DPP10: variants seen among roughly 807,000 people sequenced by gnomAD.
DPP10 encodes the protein inactive dipeptidyl peptidase 10.
A neutral mutation model predicts 120.9 loss-of-function variants in DPP10; 33 were observed. The observed-to-expected ratio is 0.27, with a 90% CI of 0.21 to 0.37. The LOEUF is 0.37. Ranked by LOEUF, DPP10 falls within the 10% of genes least tolerant of loss-of-function variation. The probability of loss-of-function intolerance (pLI) is 1.00; values close to 1 mark genes in which losing one functional copy is unlikely to be tolerated. For synonymous variants in DPP10, 337 were observed against 326.1 expected (o/e 1.03, Z -0.36); for missense variants, 816 against 942.8 (o/e 0.87, Z 1.76).
chr2:114,737,853 T>C (rs2105971837), intron 1 of DPP10, among the ~76,000 whole-genome samples: 1 of 152,356 alleles, frequency 6.6e-6, no homozygotes, highest in South Asian at 2.1e-4. Flanking sequence ...GAGAATGGAA[T>C]GAGGTATAAT....
chr2:114,708,339 G>T (rs1700812705), intron 1 of DPP10, among the ~76,000 whole-genome samples: 1 of 152,158 alleles, frequency 6.6e-6, no homozygotes, highest in African/African-American at 2.4e-5. Context: ...TGTTCCAGGA[G>T]GGATGACAAA....
intron 1 of DPP10, among the ~76,000 whole-genome samples, chr2:114,624,910 T>C (rs1220653439): frequency 2.0e-5 from 3 of 151,960 alleles, no homozygotes; most frequent in Non-Finnish European, 2.9e-5. Context: ...CTCTACTTTC[T>C]GGATTAAATT....
chr2:114,718,175 C>T (rs1379388711), intron 1 of DPP10, among the ~76,000 whole-genome samples: 2 of 151,918 alleles, frequency 1.3e-5, no homozygotes, highest in East Asian at 1.9e-4. Context: ...GCTATCATTA[C>T]CTTTTGATTT....
intron 1 of DPP10, among the ~76,000 whole-genome samples, chr2:114,883,419 C>G (rs767336996): frequency 6.6e-6 from 1 of 152,162 alleles, no homozygotes; most frequent in Non-Finnish European, 1.5e-5. Flanking sequence ...CAGAGTAGAA[C>G]GCCGTGAAAG....
intron 2 of DPP10, among the ~76,000 whole-genome samples, chr2:115,334,839 A>G (rs1052672910): frequency 2.6e-5 from 4 of 152,030 alleles, no homozygotes; most frequent in East Asian, 1.9e-4. Context: ...GGTGATTTCT[A>G]TATAAGTCTT....
At chr2:114,602,468 T>C (rs1223958783) in intron 1 of DPP10, among the ~76,000 whole-genome samples, 1 of 152,014 alleles carries the variant, frequency 6.6e-6, no homozygotes, top group African/African-American at 2.4e-5. Flanking sequence ...TCACTATTAT[T>C]ATCATCATCA....
chr2:115,302,309 A>G (rs1198927121), intron 1 of DPP10, among the ~76,000 whole-genome samples: 1 of 152,068 alleles, frequency 6.6e-6, no homozygotes, highest in African/African-American at 2.4e-5. Context: ...ACCATATCCA[A>G]GTGTGCACCA....
rs764128714 is a variant in DPP10 at position 114,733,172 on chromosome 2, C to T, written c.60+290334C>T. On this transcript the variant is annotated intron_variant, in intron 1 of 25. Transcript: ENST00000410059. Reference sequence around the variant, plus strand: ...TCTTAAGTTTGGCTCAAGATCATTACTAATTTTGCTCCCAACTTCAGTAAC... The same window carrying T: ...TCTTAAGTTTGGCTCAAGATCATTATTAATTTTGCTCCCAACTTCAGTAAC... Among the ~76,000 whole-genome samples the T allele has an allele frequency of 7.2e-4, 109 of 152,344 alleles. 2 individuals are homozygous for T. Among genetic ancestry groups the T allele is most frequent in the Non-Finnish European group, 6.6e-4 (45 of 68,028 alleles).
At chr2:114,664,781 A>T (rs1697775944) in intron 1 of DPP10, among the ~76,000 whole-genome samples, 1 of 151,564 alleles carries the variant, frequency 6.6e-6, no homozygotes, top group Non-Finnish European at 1.5e-5. Flanking sequence ...TAGAGCATCC[A>T]AAAGATGGCA....
intron 5 of DPP10, among the ~76,000 whole-genome samples, chr2:115,600,321 C>T (rs2083247158): frequency 6.6e-6 from 1 of 152,070 alleles, no homozygotes. Flanking sequence ...TTCAAACACC[C>T]AAACTTCCTG....
chr2:115,629,722 G>A (rs192621418), intron 5 of DPP10, among the ~76,000 whole-genome samples: 100 of 152,240 alleles, frequency 6.6e-4, no homozygotes, highest in African/African-American at 2.3e-3. Flanking sequence ...TAGATGTGTG[G>A]TGTTATTTCT....
chr2:115,722,803 G>A (rs1201694289), intron 7 of DPP10, among the ~76,000 whole-genome samples: 1 of 152,114 alleles, frequency 6.6e-6, no homozygotes, highest in Non-Finnish European at 1.5e-5. Flanking sequence ...TTTCAGTAAA[G>A]GTTTCCAAAT....
chr2:115,334,915 C>CT (rs376587549), intron 2 of DPP10, among the ~76,000 whole-genome samples: 341 of 143,038 alleles, frequency 2.4e-3, no homozygotes, highest in East Asian at 0.013. Flanking sequence ...CAGGATATAT[C>CT]TTTTTTTTTT....
chr2:115,132,361 G>A (rs893704182), intron 1 of DPP10, among the ~76,000 whole-genome samples: 1 of 152,072 alleles, frequency 6.6e-6, no homozygotes, highest in Non-Finnish European at 1.5e-5. Context: ...AAAAAGGTCT[G>A]GAAAGGGAAG....
At chr2:114,662,333 G>A (rs937160358) in intron 1 of DPP10, among the ~76,000 whole-genome samples, 9 of 152,170 alleles carry the variant, frequency 5.9e-5, no homozygotes, top group African/African-American at 2.2e-4. Flanking sequence ...TCCCTGCGGG[G>A]GCGCGGGCAC....
At chr2:114,458,819 G>A (rs149611150) in intron 1 of DPP10, among the ~76,000 whole-genome samples, 8 of 152,196 alleles carry the variant, frequency 5.3e-5, no homozygotes, top group African/African-American at 1.9e-4. Flanking sequence ...ATGCACTATT[G>A]AAGAGATCAT....
At chr2:115,233,721 T>G (rs1344555799) in intron 1 of DPP10, among the ~76,000 whole-genome samples, 1 of 152,196 alleles carries the variant, frequency 6.6e-6, no homozygotes, top group Admixed American at 6.5e-5. Flanking sequence ...AATAAAAATT[T>G]CTACTCAAGT....
intron 1 of DPP10, among the ~76,000 whole-genome samples, chr2:114,652,391 ATCT>A (rs1696657992): frequency 6.6e-6 from 1 of 152,208 alleles, no homozygotes; most frequent in Non-Finnish European, 1.5e-5. Context: ...GGCTTTCTCC[ATCT>A]TCTTAGCTGC....
chr2:114,476,120 A>G lies in DPP10; in HGVS notation c.60+33282A>G, dbSNP rs1365605858. On this transcript the variant is annotated intron_variant, in intron 1 of 25. Coordinates refer to ENST00000410059, the MANE Select transcript of DPP10 (RefSeq NM_020868.6). ...ATAGTACCACTAACCCCTTGAATCT[A>G]TCATTCCTACTTATTGCTTTAAAGC... Among the ~76,000 whole-genome samples the G allele has an allele frequency of 2.6e-5, 4 of 152,314 alleles. No homozygotes were observed. The South Asian group carries it at 6.2e-4, about 24-fold the overall frequency.
Sources: gnomAD v4.1 joint callset for allele counts (sites outside exome capture counted in the v4.1 genomes callset) on GRCh38, gnomAD v4.1.1 for gene constraint, MANE v1.5 for transcripts, NCBI Gene and HGNC (gene_info 2026-07-23, HGNC 2026-07-21) for gene names.